Variants in MYT1L observed in about 807,000 individuals in gnomAD.
MYT1L encodes myelin transcription factor 1-like protein.
A neutral mutation model predicts 126.7 loss-of-function variants in MYT1L; 12 were observed. That is an observed-to-expected ratio of 0.09 (90% confidence interval 0.06 to 0.15). MYT1L has a LOEUF of 0.15. MYT1L is among the 10% of genes least tolerant of loss of function. The pLI is 1.00. For missense variants in MYT1L, 979 were observed against 1,585.2 expected (o/e 0.62, Z 6.49); for synonymous variants, 541 against 604.2 (o/e 0.90, Z 1.53).
At chr2:2,120,294 TG>T (rs2080814949) in intron 3 of MYT1L, among the ~76,000 whole-genome samples, 1 of 152,114 alleles carries the variant, frequency 6.6e-6, no homozygotes, top group African/African-American at 2.4e-5. Context: ...AAGCCAGCCA[TG>T]TACACCTTAA....
chr2:2,060,032 G>A (rs1415290357), intron 3 of MYT1L, among the ~76,000 whole-genome samples: 1 of 152,210 alleles, frequency 6.6e-6, no homozygotes, highest in East Asian at 1.9e-4. Flanking sequence ...AGCATGTGTG[G>A]AACTGAAGTT....
intron 3 of MYT1L, among the ~76,000 whole-genome samples, chr2:2,137,322 A>G (rs1280605680): frequency 6.6e-6 from 1 of 152,208 alleles, no homozygotes; most frequent in African/African-American, 2.4e-5. Flanking sequence ...CTTTCTTCAC[A>G]GAATTGGAAA....
At chr2:1,859,775 G>A (rs902154748) in intron 18 of MYT1L, among the ~76,000 whole-genome samples, 1 of 152,208 alleles carries the variant, frequency 6.6e-6, no homozygotes, top group African/African-American at 2.4e-5. Flanking sequence ...CAGCCGCCCT[G>A]CCCCCTGGCC....
intron 18 of MYT1L, among the ~76,000 whole-genome samples, chr2:1,870,467 T>C (rs756252025): frequency 5.9e-5 from 9 of 152,124 alleles, no homozygotes; most frequent in African/African-American, 1.7e-4. Context: ...GAGGTGGCCA[T>C]AGAGGGTCGG....
chr2:2,145,938 G>T (rs1424839359), intron 3 of MYT1L, among the ~76,000 whole-genome samples: 1 of 152,166 alleles, frequency 6.6e-6, no homozygotes. Context: ...TATCCTTTCT[G>T]CTTAGAATGT....
chr2:1,801,818 G>T lies in MYT1L; in HGVS notation c.3173-19C>A. The T allele has an allele frequency of 1.4e-6, 2 of 1,477,820 alleles. No individual in the cohort carries two copies. Among genetic ancestry groups the T allele is most frequent in the Non-Finnish European group, 1.9e-6 (2 of 1,065,582 alleles). The allele number at this position is 1,477,820 out of a possible 1,614,324, so 91.5% of individuals were successfully genotyped here. The stretch of plus-strand genomic sequence containing the variant: ...TCTATACCTGTAATAATGAATATTA[G>T]TATGTTAAAACTGTTATATACAAAA... On this transcript the variant is annotated intron_variant, in intron 22 of 24. Coordinates refer to ENST00000647738, the MANE Select transcript of MYT1L (RefSeq NM_001303052.2). The surrounding 1 kb of genome is among the most constrained non-coding windows in gnomAD (Gnocchi z 4.2).
chr2:1,802,491 CACTA>C (rs1197174933), intron 22 of MYT1L, among the ~76,000 whole-genome samples: 1 of 152,194 alleles, frequency 6.6e-6, no homozygotes, highest in African/African-American at 2.4e-5. Context: ...AAAAAGTATG[CACTA>C]ACTAACAGAA....
intron 21 of MYT1L, among the ~76,000 whole-genome samples, chr2:1,833,213 G>A (rs2040419574): frequency 6.6e-6 from 1 of 152,146 alleles, no homozygotes; most frequent in South Asian, 2.1e-4. Flanking sequence ...TTGCCCCAGT[G>A]CCCGCATCCG....
chr2:2,003,975 A>ATTCTTTCCTGTGTGCC (rs2062713457), intron 4 of MYT1L, among the ~76,000 whole-genome samples: 1 of 132,080 alleles, frequency 7.6e-6, no homozygotes, highest in South Asian at 2.5e-4. Flanking sequence ...TCCTGCAGGC[A>ATTCTTTCCTGTGTGCC]TTCTTTCCTG....
intron 2 of MYT1L, among the ~76,000 whole-genome samples, chr2:2,175,646 G>A (rs573912821): frequency 1.0e-4 from 15 of 150,710 alleles, no homozygotes; most frequent in Admixed American, 9.8e-4. Context: ...GCCTCTGCAA[G>A]GCAAGGATGC....
chr2:1,988,765 G>C (rs1016230327), intron 5 of MYT1L, among the ~76,000 whole-genome samples: 4 of 152,218 alleles, frequency 2.6e-5, no homozygotes, highest in Non-Finnish European at 5.9e-5. Flanking sequence ...CTGAGCTCAA[G>C]TGATCCACCC....
chr2:1,903,946 TGTGCGC>T (rs2050689362), intron 13 of MYT1L, among the ~76,000 whole-genome samples: 2 of 152,158 alleles, frequency 1.3e-5, no homozygotes, highest in African/African-American at 2.4e-5. Flanking sequence ...TGTGTGTGTG[TGTGCGC>T]GTGCGCGCGT....
chr2:2,284,250 C>A (rs1011008408), intron 2 of MYT1L, among the ~76,000 whole-genome samples, 154 bp downstream of exon 2: 1 of 152,082 alleles, frequency 6.6e-6, no homozygotes, highest in East Asian at 1.9e-4. Context: ...ACAACTGAAG[C>A]ACGTAAGCAT....
intron 1 of MYT1L, among the ~76,000 whole-genome samples, chr2:2,322,030 C>A (rs1467036952): frequency 3.9e-5 from 6 of 152,154 alleles, no homozygotes; most frequent in African/African-American, 1.4e-4. Flanking sequence ...AAAAAATACA[C>A]ATATACACGC....
intron 19 of MYT1L, among the ~76,000 whole-genome samples, chr2:1,851,246 A>G (rs1174627333): frequency 2.6e-5 from 4 of 152,198 alleles, no homozygotes; most frequent in Non-Finnish European, 5.9e-5. Context: ...TTTGTGGTCC[A>G]ATCTTAATAT....
intron 3 of MYT1L, among the ~76,000 whole-genome samples, chr2:2,079,600 T>A (rs1402984892): frequency 6.6e-6 from 1 of 152,116 alleles, no homozygotes; most frequent in East Asian, 1.9e-4. Flanking sequence ...GGTCAGGAGA[T>A]TGAGACCATC....
In MYT1L at chr2:1,912,159, G is replaced by C. The variant is rs757847067; in HGVS notation, c.1619-49C>G. On this transcript the variant is annotated intron_variant, in intron 11 of 24. Transcript: ENST00000647738. The surrounding 1 kb of genome is among the most constrained non-coding windows in gnomAD (Gnocchi z 4.3). Reference sequence around the variant, plus strand: ...ACAGCCAGTGTTAAAACAGAGGCACGGTTAGGGCACATGAAAATGCAGTCA... The same window carrying C: ...ACAGCCAGTGTTAAAACAGAGGCACCGTTAGGGCACATGAAAATGCAGTCA... 1 of 1,330,464 alleles carries C rather than the reference G, an allele frequency of 7.5e-7. No homozygotes were observed. Among genetic ancestry groups the C allele is most frequent in the Non-Finnish European group, 1.0e-6 (1 of 960,436 alleles). 82.4% of individuals were successfully genotyped at this position (1,330,464 alleles called of 1,614,324 possible). A position where few individuals can be genotyped will look rare whatever the true frequency, so the allele number is the denominator to read the frequency against.
rs1486277685 is a variant in MYT1L, at chr2:2,197,753, A to T, written c.-420-24765T>A. On this transcript the variant is annotated intron_variant, in intron 2 of 24. Coordinates refer to ENST00000647738, the MANE Select transcript of MYT1L (RefSeq NM_001303052.2). ...AACACACACATATATACACACATGC[A>T]CACACACACACAATGAATGTGTAGA... 1.5e-4 allele frequency among the ~76,000 whole-genome samples: 16 copies of T among 105,246 alleles called. 2 individuals carry two copies. The highest frequency in any genetic ancestry group is 6.1e-4 in the African/African-American group (15 of 24,754). The allele number at this position is 105,246 out of a possible 152,430, so 69.0% of individuals were successfully genotyped here.
intron 18 of MYT1L, among the ~76,000 whole-genome samples, chr2:1,853,223 A>G (rs910537895): frequency 2.6e-5 from 4 of 152,318 alleles, no homozygotes; most frequent in Admixed American, 2.0e-4. Context: ...AAGAAGCAGT[A>G]AAGGGTTCTT....
Sources: gnomAD v4.1 joint callset for allele counts (sites outside exome capture counted in the v4.1 genomes callset) on GRCh38, gnomAD v4.1.1 for gene constraint, Gnocchi (gnomAD v3.1) non-coding constraint, MANE v1.5 for transcripts, NCBI Gene and HGNC (gene_info 2026-07-23, HGNC 2026-07-21) for gene names.